BLTP3A: variants seen among roughly 807,000 people sequenced by gnomAD.
BLTP3A encodes the protein bridge-like lipid transfer protein family member 3A.
At chr6:34,821,322 T>G in the BLTP3A span, 2 of 193,270 alleles carry the variant, frequency 1.0e-5, no homozygotes, top group African/African-American at 4.7e-5. Context: ...GCTACAGCTA[T>G]TGCCCCAGAA....
At chr6:34,842,212 C>G in the BLTP3A span, among the ~76,000 whole-genome samples, 1 of 152,150 alleles carries the variant, frequency 6.6e-6, no homozygotes, top group Non-Finnish European at 1.5e-5. Context: ...GTCATGCATT[C>G]TCAGCTGAGA....
the BLTP3A span, chr6:34,792,341 C>T: frequency 1.4e-6 from 2 of 1,470,406 alleles, no homozygotes; most frequent in Non-Finnish European, 1.8e-6. Flanking sequence ...CCCTTCCTAA[C>T]CCTCTCCGAC....
chr6:34,803,268 G>T, the BLTP3A span, among the ~76,000 whole-genome samples: 1 of 151,892 alleles, frequency 6.6e-6, no homozygotes, highest in South Asian at 2.1e-4. Flanking sequence ...AGTCTGTTAG[G>T]GTTGAAAACT....
chr6:34,851,475 C>G, the BLTP3A span, among the ~76,000 whole-genome samples: 1 of 152,144 alleles, frequency 6.6e-6, no homozygotes, highest in Non-Finnish European at 1.5e-5. Flanking sequence ...TTACTCTCCC[C>G]CATATAGCAG....
chr6:34,859,801 G>A, the BLTP3A span, among the ~76,000 whole-genome samples: 1 of 152,116 alleles, frequency 6.6e-6, no homozygotes, highest in African/African-American at 2.4e-5. Context: ...CTCAAGACAG[G>A]CCTTACCGTG....
the BLTP3A span, among the ~76,000 whole-genome samples, chr6:34,808,921 A>G: frequency 6.6e-6 from 1 of 152,206 alleles, no homozygotes; most frequent in African/African-American, 2.4e-5. Flanking sequence ...AGTGAAATGC[A>G]CAAAATTATT....
the BLTP3A span, among the ~76,000 whole-genome samples, chr6:34,793,825 T>A: frequency 6.6e-6 from 1 of 152,010 alleles, no homozygotes; most frequent in Non-Finnish European, 1.5e-5. Context: ...GGCTTAGAGA[T>A]GATCTCACCT....
At chr6:34,815,023 A>C in the BLTP3A span, among the ~76,000 whole-genome samples, 1 of 152,180 alleles carries the variant, frequency 6.6e-6, no homozygotes, top group African/African-American at 2.4e-5. Flanking sequence ...ATCTAGGGCA[A>C]ACTGCTTCAT....
the BLTP3A span, chr6:34,857,663 G>A: frequency 1.3e-6 from 2 of 1,517,978 alleles, no homozygotes; most frequent in Non-Finnish European, 1.8e-6. Flanking sequence ...TTAATATTAG[G>A]TAGTAAGAGC....
the BLTP3A span, among the ~76,000 whole-genome samples, chr6:34,804,787 T>G: frequency 6.6e-6 from 1 of 152,294 alleles, no homozygotes; most frequent in South Asian, 2.1e-4. Context: ...ACACCTGTGT[T>G]GACTTTTTTA....
At chr6:34,806,235 A>G in the BLTP3A span, among the ~76,000 whole-genome samples, 1 of 152,248 alleles carries the variant, frequency 6.6e-6, no homozygotes, top group Non-Finnish European at 1.5e-5. Context: ...GACGTAGACT[A>G]AATGTCCCAG....
chr6:34,824,094 A>T, the BLTP3A span, among the ~76,000 whole-genome samples: 2 of 151,480 alleles, frequency 1.3e-5, no homozygotes, highest in African/African-American at 4.9e-5. Flanking sequence ...GGCATGCACC[A>T]CCATACCTGG....
At chr6:34,851,650 A>G in the BLTP3A span, among the ~76,000 whole-genome samples, 2 of 152,114 alleles carry the variant, frequency 1.3e-5, no homozygotes, top group African/African-American at 4.8e-5. Flanking sequence ...TATTCACTCA[A>G]GGTCTTCAGT....
chr6:34,825,325 G>A, the BLTP3A span, among the ~76,000 whole-genome samples: 7 of 146,938 alleles, frequency 4.8e-5, no homozygotes, highest in African/African-American at 1.5e-4. Flanking sequence ...TTTCTTTTTT[G>A]AGATGGAGTT....
the BLTP3A span, among the ~76,000 whole-genome samples, chr6:34,796,052 A>G: frequency 1.3e-5 from 2 of 152,106 alleles, no homozygotes; most frequent in Admixed American, 1.3e-4. Context: ...AGGAACTATG[A>G]CTCTGTGGCT....
chr6:34,855,547 G>A, the BLTP3A span: 1 of 1,570,568 alleles, frequency 6.4e-7, no homozygotes, highest in Non-Finnish European at 8.7e-7. Context: ...GAGGACTTCT[G>A]CATGCTTTAG....
the BLTP3A span, among the ~76,000 whole-genome samples, chr6:34,824,002 G>A: frequency 6.6e-5 from 10 of 150,866 alleles, no homozygotes; most frequent in African/African-American, 2.4e-4. Flanking sequence ...GAGTGCAGTG[G>A]TGTGATCTTG....
the BLTP3A span, among the ~76,000 whole-genome samples, chr6:34,859,971 T>A: frequency 6.6e-6 from 1 of 152,158 alleles, no homozygotes; most frequent in Non-Finnish European, 1.5e-5. Flanking sequence ...ATATATAATA[T>A]TATTTTCAGT....
At chr6:34,821,990 G>C in the BLTP3A span, 2 of 1,613,742 alleles carry the variant, frequency 1.2e-6, no homozygotes, top group Non-Finnish European at 1.7e-6. Context: ...TTATCAAATG[G>C]GGATGGCCAG....
Sources: allele counts gnomAD v4.1 joint callset (sites outside exome capture counted in the v4.1 genomes callset), GRCh38; gene constraint gnomAD v4.1.1; transcripts MANE v1.5; gene names NCBI Gene and HGNC (gene_info 2026-07-23, HGNC 2026-07-21).